The following MAP3K4 variants were observed in gnomAD, a reference collection of about 807,000 sequenced individuals.
MAP3K4 encodes the protein mitogen-activated protein kinase kinase kinase 4.
In MAP3K4, 67 loss-of-function variants were observed where a neutral mutation model predicts 185.6. That is an observed-to-expected ratio of 0.36 (90% CI 0.30 to 0.44). The LOEUF (loss-of-function observed/expected upper bound fraction) is 0.44, where lower values mean the gene tolerates loss of function less well. Among genes scored for constraint, MAP3K4 ranks in the 20% least tolerant of loss-of-function variants. The pLI is 1.00. For missense variants in MAP3K4, 1,551 were observed against 1,995.1 expected (o/e 0.78, Z 4.24); for synonymous variants, 702 against 710.4 (o/e 0.99, Z 0.19).
chr6:161,070,716 G>T lies in MAP3K4; in HGVS notation c.1816G>T (p.Ala606Ser), dbSNP rs148072527. The stretch of plus-strand genomic sequence containing the variant: ...TGCTGTGTCGTGGGAGGAGCTGAAG[G>T]CCATGGATTTACCTTCATTCGAACC... ...CSAVSWEELK[A>S]MDLPSFEPAF... The change falls in exon 4 of 27, where the codon GCC becomes TCC. Residue 606 changes from alanine to serine, a missense_variant. This residue lies in a region of MAP3K4 where 86 missense variants were observed against 81.6 expected (regional missense o/e 1.05). Coordinates refer to ENST00000392142, the MANE Select transcript of MAP3K4 (RefSeq NM_005922.4). This position sits in a 1 kb window ranked among gnomAD's most constrained non-coding sequence, Gnocchi z 4.5. 8.9e-5 allele frequency: 144 copies of T among 1,614,124 alleles called. No individual in the cohort carries two copies. The South Asian group carries it at 1.0e-3, about 11-fold the overall frequency.
Position 161,048,986 on chromosome 6 carries a change from C to A in MAP3K4, c.714C>A (p.Val238=). The stretch of plus-strand genomic sequence containing the variant: ...GACTTTTGCTAAAGCTTACCTCAGT[C>A]TCAAAGAAAAAAGACAGGGAGCAAA... ...TLRLLLKLTS[V]SKKKDREQRG... is the part of the protein sequence containing the mutation. Residue 238 remains valine (V), a synonymous_variant, in exon 3 of 27, where the codon GTC becomes GTA. Transcript: ENST00000392142. This position sits in a 1 kb window ranked among gnomAD's most constrained non-coding sequence, Gnocchi z 4.7. The A allele has an allele frequency of 6.2e-7, 1 of 1,613,954 alleles. No individual in the cohort carries two copies. The highest frequency in any genetic ancestry group is 8.5e-7 in the Non-Finnish European group (1 of 1,179,948).
At chr6:161,016,471 GGTT>G (rs1221980982) in intron 1 of MAP3K4, among the ~76,000 whole-genome samples, 4 of 152,234 alleles carry the variant, frequency 2.6e-5, no homozygotes, top group Middle Eastern at 3.4e-3. Context: ...TACACATTCT[GGTT>G]GTTGTTACAT....
At chr6:161,010,115 T>C (rs576248819) in intron 1 of MAP3K4, among the ~76,000 whole-genome samples, 1 of 152,360 alleles carries the variant, frequency 6.6e-6, no homozygotes, top group East Asian at 1.9e-4. Context: ...TTTACATTTC[T>C]CCCTATTGTG....
Position 160,992,047 on chromosome 6 carries a change from A to C in MAP3K4, c.116A>C (p.Glu39Ala). Residue 39 changes from glutamate to alanine, a missense_variant, in exon 1 of 27, where the codon GAG becomes GCG. By Grantham distance (107) the Glu-to-Ala change is moderately radical (BLOSUM62 -1). Coordinates refer to ENST00000392142, the MANE Select transcript of MAP3K4 (RefSeq NM_005922.4). ...PPPPPPPPEPETESEPECCLA... is the reference protein window; with the variant it reads ...PPPPPPPPEPATESEPECCLA... ...CCGCCACCACCGCCACCGGAACCCG[A>C]GACCGAGTCAGAACCCGAGTGCTGC... 2 of 1,582,218 alleles carry C rather than the reference A, an allele frequency of 1.3e-6. No individual in the cohort carries two copies. The highest frequency in any genetic ancestry group is 2.3e-5 in the South Asian group (2 of 87,748).
Position 161,104,537 on chromosome 6 carries a change from C to T in MAP3K4, c.3856+1758C>T, listed in dbSNP as rs182622818. On this transcript the variant is annotated intron_variant, in intron 19 of 26. Transcript: ENST00000392142. ...AACCATCCTGGCCAATGTGGTGAAA[C>T]CCTGTCTTTACTGAGAATACAAAAT... 1.4e-3 allele frequency among the ~76,000 whole-genome samples: 210 copies of T among 151,632 alleles called. 1 individual carries two copies. The highest frequency in any genetic ancestry group is 2.3e-3 in the Admixed American group (35 of 15,230).
chr6:161,011,655 A>G (rs1434335534), intron 1 of MAP3K4, among the ~76,000 whole-genome samples: 1 of 152,194 alleles, frequency 6.6e-6, no homozygotes, highest in East Asian at 1.9e-4. Context: ...AAGCCCTTAG[A>G]GGTTTACTTG....
intron 2 of MAP3K4, among the ~76,000 whole-genome samples, chr6:161,046,438 AAAT>A (rs1783732451): frequency 6.6e-6 from 1 of 152,124 alleles, no homozygotes; most frequent in Non-Finnish European, 1.5e-5. Flanking sequence ...AAATTTTCTT[AAAT>A]GGACTATATG....
In MAP3K4 at chr6:161,034,337, A is replaced by G; in HGVS notation, c.231A>G (p.Thr77=). ...DLEDFSDETN[T]ENLYGTSPPS... The stretch of plus-strand genomic sequence containing the variant: ...AAGACTTCTCCGATGAAACAAATAC[A>G]GAGAATCTTTATGGTACCTCTCCCC... The change falls in exon 2 of 27, where the codon ACA becomes ACG. Residue 77 remains threonine, a synonymous_variant. Coordinates refer to ENST00000392142, the MANE Select transcript of MAP3K4 (RefSeq NM_005922.4). This position sits in a 1 kb window ranked among gnomAD's most constrained non-coding sequence, Gnocchi z 4.4. 4 of 1,613,972 alleles carry G rather than the reference A, an allele frequency of 2.5e-6. No homozygotes were observed. Among genetic ancestry groups the G allele is most frequent in the East Asian group, 2.2e-5 (1 of 44,862 alleles).
At chr6:161,021,247 C>G (rs1782371445) in intron 1 of MAP3K4, among the ~76,000 whole-genome samples, 1 of 152,178 alleles carries the variant, frequency 6.6e-6, no homozygotes, top group African/African-American at 2.4e-5. Context: ...TAGCTACCAA[C>G]AGGTCACTTG....
Position 161,106,700 on chromosome 6 carries a change from A to C in MAP3K4, c.4043A>C (p.Lys1348Thr). ...KVTFKWQRGNKIGEGQYGKVY... is the reference protein window; with the variant it reads ...KVTFKWQRGNTIGEGQYGKVY... ...ACCTTCAAATGGCAAAGAGGAAACA[A>C]AATTGGTAAGGAAATTAAGGAGCAT... The change falls in exon 20 of 27, where the codon AAA (lysine) becomes ACA (threonine). Residue 1348 changes from lysine to threonine, a missense_variant. Physicochemically the swap from Lys to Thr is moderately conservative, Grantham distance 78. Around this residue, in one of 16 missense-constraint regions of MAP3K4, gnomAD observed 7 missense variants for 32.4 expected, o/e 0.22. Transcript: ENST00000392142. This position sits in a 1 kb window ranked among gnomAD's most constrained non-coding sequence, Gnocchi z 4.9. 6.8e-6 allele frequency: 11 copies of C among 1,607,718 alleles called. No homozygotes were observed. The highest frequency in any genetic ancestry group is 9.3e-6 in the Non-Finnish European group (11 of 1,176,828).
In MAP3K4 at chr6:161,075,207, C is replaced by T. The variant is rs940127340; in HGVS notation, c.2097+1595C>T. On this transcript the variant is annotated intron_variant, in intron 5 of 26. Coordinates refer to ENST00000392142, the MANE Select transcript of MAP3K4 (RefSeq NM_005922.4). This position sits in a 1 kb window ranked among gnomAD's most constrained non-coding sequence, Gnocchi z 4.3. ...TTTTGCTCTGTCACCTAGACTGAAA[C>T]GCAGTGGTGTGTTGACGGCTTCCTG... 7.2e-5 allele frequency among the ~76,000 whole-genome samples: 11 copies of T among 152,256 alleles called. No homozygotes were observed. The highest frequency in any genetic ancestry group is 5.8e-4 in the East Asian group (3 of 5,180).
intron 25 of MAP3K4, among the ~76,000 whole-genome samples, chr6:161,113,963 A>G (rs980444950): frequency 1.3e-5 from 2 of 151,760 alleles, no homozygotes; most frequent in African/African-American, 4.8e-5. Flanking sequence ...ATGCCTGGCT[A>G]AGTTTTGTAC....
At position 161,097,213 on chromosome 6, in the gene MAP3K4, T is replaced by A; in HGVS notation, c.3524+37T>A. ...TTATCTAGTCATTTGCTTTACAGAG[T>A]GCCCTCCGATATGCATGCTCATACT... is the stretch of plus-strand genomic sequence containing the variant. On this transcript the variant is annotated intron_variant, in intron 16 of 26. Transcript: ENST00000392142. This position sits in a 1 kb window ranked among gnomAD's most constrained non-coding sequence, Gnocchi z 4.9. 6.4e-7 allele frequency: 1 copy of A among 1,554,514 alleles called. No individual in the cohort carries two copies. Among genetic ancestry groups the A allele is most frequent in the Non-Finnish European group, 8.9e-7 (1 of 1,126,408 alleles).
chr6:161,042,693 G>A (rs1783533367), intron 2 of MAP3K4, among the ~76,000 whole-genome samples: 1 of 152,028 alleles, frequency 6.6e-6, no homozygotes, highest in Admixed American at 6.5e-5. Context: ...TTTTAATATA[G>A]CAGAAGGAAG....
chr6:161,031,862 G>A (rs1782946026), intron 1 of MAP3K4, among the ~76,000 whole-genome samples: 1 of 152,152 alleles, frequency 6.6e-6, no homozygotes, highest in Non-Finnish European at 1.5e-5. Flanking sequence ...CTGAGACATG[G>A]CCTTAGCTTC....
In MAP3K4 at chr6:161,089,488, T is replaced by C. The variant is rs761144112; in HGVS notation, c.2973+17T>C. ...CAGCTGAAGGTATTACACTGTCCTC[T>C]ACATTAGCTGAGATTTTTCCTTTTT... is the stretch of plus-strand genomic sequence containing the variant. On this transcript the variant is annotated intron_variant, in intron 11 of 26. Transcript: ENST00000392142. 2.5e-6 allele frequency: 4 copies of C among 1,611,446 alleles called. No individual in the cohort carries two copies. Among genetic ancestry groups the C allele is most frequent in the Admixed American group, 1.7e-5 (1 of 59,304 alleles).
At chr6:161,078,751 G>T (rs1035075150) in intron 5 of MAP3K4, among the ~76,000 whole-genome samples, 17 of 152,160 alleles carry the variant, frequency 1.1e-4, no homozygotes, top group African/African-American at 2.9e-4. Flanking sequence ...CCACGGCAGG[G>T]TGGCCGAGCC....
intron 1 of MAP3K4, among the ~76,000 whole-genome samples, chr6:161,030,757 A>G (rs1782889605): frequency 6.6e-6 from 1 of 152,112 alleles, no homozygotes; most frequent in Non-Finnish European, 1.5e-5. Context: ...AATGTTATTT[A>G]TTAGGTGCTA....
intron 1 of MAP3K4, among the ~76,000 whole-genome samples, chr6:161,000,877 A>G (rs1185508934): frequency 2.0e-5 from 3 of 150,048 alleles, no homozygotes; most frequent in African/African-American, 4.9e-5. Context: ...ACATACATAT[A>G]TGTATATTAT....
Sources: allele counts gnomAD v4.1 joint callset (sites outside exome capture counted in the v4.1 genomes callset), GRCh38; gene constraint gnomAD v4.1.1; regional missense constraint gnomAD v4.1.1; non-coding constraint Gnocchi (gnomAD v3.1); transcripts MANE v1.5; gene names NCBI Gene and HGNC (gene_info 2026-07-23, HGNC 2026-07-21).